Variants in GLI2 observed in about 807,000 individuals in gnomAD.
The protein encoded by GLI2 is GLI family zinc finger 2.
In GLI2, 22 loss-of-function variants were observed where a neutral mutation model predicts 78.9. That is an observed-to-expected ratio of 0.28 (90% CI 0.20 to 0.40). The LOEUF (loss-of-function observed/expected upper bound fraction) is 0.40, where lower values mean the gene tolerates loss of function less well. Ranked by LOEUF, GLI2 falls within the 10% of genes least tolerant of loss-of-function variation. GLI2 has a pLI of 1.00. For missense variants in GLI2, 2,097 were observed against 2,213.2 expected (o/e 0.95, Z 1.05); for synonymous variants, 974 against 963.7 (o/e 1.01, Z -0.20).
At chr2:120,933,876 GC>G (rs954681686) in intron 3 of GLI2, among the ~76,000 whole-genome samples, 1 of 144,686 alleles carries the variant, frequency 6.9e-6, no homozygotes, top group East Asian at 2.0e-4. Flanking sequence ...GCCCTGCCCT[GC>G]CCTGCCCTGC....
In GLI2 at chr2:120,871,401, A is replaced by G. The variant is rs1013085591; in HGVS notation, c.149-55960A>G. Among the ~76,000 whole-genome samples the G allele has an allele frequency of 5.9e-5, 9 of 152,356 alleles. No individual in the cohort carries two copies. The East Asian group carries it at 1.4e-3, about 23-fold the overall frequency. ...TGTTGAGAAACGGAGATGAGACTTC[A>G]GGGCTGGAAAACACAGCTGCCTGAA... On this transcript the variant is annotated intron_variant, in intron 2 of 13. Transcript: ENST00000361492.
In GLI2 at chr2:120,989,032, G is replaced by T. The variant is rs546947063; in HGVS notation, c.3067G>T (p.Val1023Leu). The T allele has an allele frequency of 1.2e-6, 2 of 1,604,938 alleles. No homozygotes were observed. Among genetic ancestry groups the T allele is most frequent in the South Asian group, 2.2e-5 (2 of 90,926 alleles). Reference sequence around the variant, plus strand: ...CAGCGAGAACGTGGCGATGGAGGCCGTGGCGGCAGGAGTGGACGGCGCGGG... The same window carrying T: ...CAGCGAGAACGTGGCGATGGAGGCCTTGGCGGCAGGAGTGGACGGCGCGGG... ...SISENVAMEA[V>L]AAGVDGAGPE... The change falls in exon 14 of 14, where the codon GTG (valine) becomes TTG (leucine). Residue 1023 changes from valine (V) to leucine (L), a missense_variant. By Grantham distance (32) the Val-to-Leu change is conservative. Around this residue, in one of 5 missense-constraint regions of GLI2, gnomAD observed 1,290 missense variants for 1,261.7 expected, o/e 1.02. Transcript: ENST00000361492.
At position 120,989,550 on chromosome 2, in the gene GLI2, C is replaced by T. The variant is rs538116580; in HGVS notation, c.3585C>T (p.Pro1195=). 5 of 1,612,866 alleles carry T rather than the reference C, an allele frequency of 3.1e-6. No individual in the cohort carries two copies. The highest frequency in any genetic ancestry group is 3.3e-5 in the Admixed American group (2 of 59,976). ...QPHLQPRSGA[P]SQGIPRVNYM... is the part of the protein sequence containing the mutation. Reference sequence around the variant, plus strand: ...ACCTGCAGCCCCGCAGCGGAGCCCCCTCCCAGGGCATCCCCAGGGTAAACT... The same window carrying T: ...ACCTGCAGCCCCGCAGCGGAGCCCCTTCCCAGGGCATCCCCAGGGTAAACT... The change falls in exon 14 of 14, where the codon CCC becomes CCT. Residue 1195 remains proline (P), a synonymous_variant. Transcript: ENST00000361492.
chr2:120,966,941 G>A (rs982044329), intron 5 of GLI2, among the ~76,000 whole-genome samples: 3 of 152,258 alleles, frequency 2.0e-5, no homozygotes, highest in Non-Finnish European at 4.4e-5. Context: ...CACCCGCCAA[G>A]AGGCTGTGTG....
chr2:120,912,162 T>C (rs1458027433), intron 2 of GLI2, among the ~76,000 whole-genome samples: 1 of 152,142 alleles, frequency 6.6e-6, no homozygotes, highest in Non-Finnish European at 1.5e-5. Context: ...CCGAAACACA[T>C]TGTATTTGGG....
rs747520338 is a variant in GLI2, at chr2:120,982,884, C to A, written c.1632+4C>A. On this transcript the variant is annotated splice_donor_region_variant and intron_variant, in intron 11 of 13. Transcript: ENST00000361492. ...GAATCGCACCCACTCCAACGAGGTA[C>A]CTCTGCGGGGCATGCACTGGGCATG... The A allele has an allele frequency of 3.7e-6, 6 of 1,613,468 alleles. No homozygotes were observed. The Admixed American group carries it at 5.0e-5, about 13-fold the overall frequency.
Position 120,975,044 on chromosome 2 carries a change from T to C in GLI2, c.1252T>C (p.Tyr418His). ...DCKQEAEVVI[Y>H]ETNCHWEDCT... ...TAAGCAGGAGGCTGAGGTGGTCATC[T>C]ATGAGACCAACTGCCACTGGGAAGA... The change falls in exon 9 of 14, where the codon TAT becomes CAT. Residue 418 changes from tyrosine to histidine, a missense_variant. Tyr to His is a moderately conservative substitution (Grantham distance 83). This residue lies in a region of GLI2 where 578 missense variants were observed against 612.0 expected (regional missense o/e 0.94). Coordinates refer to ENST00000361492, the MANE Select transcript of GLI2 (RefSeq NM_001374353.1). 6.2e-7 allele frequency: 1 copy of C among 1,614,106 alleles called. No individual in the cohort carries two copies.
intron 1 of GLI2, among the ~76,000 whole-genome samples, chr2:120,794,139 G>GGACATGATCT (rs1684277000): frequency 6.6e-6 from 1 of 152,220 alleles, no homozygotes; most frequent in Non-Finnish European, 1.5e-5. Context: ...GTGTTGAGTA[G>GGACATGATCT]GACATGATCT....
chr2:120,752,299 CTCTG>C (rs1039720856), intron 1 of GLI2, among the ~76,000 whole-genome samples: 6 of 138,042 alleles, frequency 4.3e-5, no homozygotes, highest in African/African-American at 1.1e-4. Context: ...GAGACGGAGT[CTCTG>C]TCTGTTGCCC....
chr2:120,853,426 GA>G (rs1342743090), intron 2 of GLI2, among the ~76,000 whole-genome samples: 2 of 152,198 alleles, frequency 1.3e-5, no homozygotes, highest in Non-Finnish European at 2.9e-5. Flanking sequence ...GTTCTGGGGA[GA>G]AGATTCTCCT....
At chr2:120,845,338 A>G (rs1687064868) in intron 2 of GLI2, among the ~76,000 whole-genome samples, 1 of 152,236 alleles carries the variant, frequency 6.6e-6, no homozygotes, top group African/African-American at 2.4e-5. Flanking sequence ...CTAGGGCTTC[A>G]TTAAGACGAT....
At chr2:120,986,984 A>G (rs1051064080) in intron 13 of GLI2, among the ~76,000 whole-genome samples, 2 of 152,208 alleles carry the variant, frequency 1.3e-5, no homozygotes, top group African/African-American at 4.8e-5. Flanking sequence ...CCAGTCCCAA[A>G]GGAGCGTATG....
chr2:120,868,273 T>G (rs1449530093), intron 2 of GLI2, among the ~76,000 whole-genome samples: 1 of 151,312 alleles, frequency 6.6e-6, no homozygotes, highest in Non-Finnish European at 1.5e-5. Flanking sequence ...CGGGGGACCA[T>G]GCTGTTTTCG....
chr2:120,771,270 G>A (rs1386663697), intron 1 of GLI2, among the ~76,000 whole-genome samples: 1 of 152,198 alleles, frequency 6.6e-6, no homozygotes, highest in Non-Finnish European at 1.5e-5. Flanking sequence ...TGTCCAGCAC[G>A]TGCCGCTTGG....
In GLI2 at chr2:120,984,790, G is replaced by A. The variant is rs200290221; in HGVS notation, c.1905+47G>A. 20 of 1,597,236 alleles carry A rather than the reference G, an allele frequency of 1.3e-5. No homozygotes were observed. The Middle Eastern group carries it at 6.1e-4, about 49-fold the overall frequency. ...AGCCACGCAAGGCGACTCCATAGCC[G>A]TGCCCAGGGCCACCCCTTGCCACGG... is the stretch of plus-strand genomic sequence containing the variant. On this transcript the variant is annotated intron_variant, in intron 12 of 13. Coordinates refer to ENST00000361492, the MANE Select transcript of GLI2 (RefSeq NM_001374353.1).
chr2:120,800,065 A>G lies in GLI2; in HGVS notation c.148+2597A>G, dbSNP rs1327154508. Reference sequence around the variant, plus strand: ...GTGAAGGAGGAAGTCTTCATGGGCCAGAAGCGTTTGCTGCAGCCACTGAGG... The same window carrying G: ...GTGAAGGAGGAAGTCTTCATGGGCCGGAAGCGTTTGCTGCAGCCACTGAGG... On this transcript the variant is annotated intron_variant, in intron 2 of 13. Transcript: ENST00000361492. This position sits in a 1 kb window ranked among gnomAD's most constrained non-coding sequence, Gnocchi z 4.1. 6.6e-6 allele frequency among the ~76,000 whole-genome samples: 1 copy of G among 152,184 alleles called. No homozygotes were observed. Among genetic ancestry groups the G allele is most frequent in the African/African-American group, 2.4e-5 (1 of 41,428 alleles).
chr2:120,745,929 G>A lies in GLI2; in HGVS notation c.-31+9644G>A, dbSNP rs12327918. Reference sequence around the variant, plus strand: ...GGCTCTTGCTGGCACTGGGGGCCCCGTGAGAAGGGAGGTGGGATGTGGGCT... The same window carrying A: ...GGCTCTTGCTGGCACTGGGGGCCCCATGAGAAGGGAGGTGGGATGTGGGCT... On this transcript the variant is annotated intron_variant, in intron 1 of 13. Coordinates refer to ENST00000361492, the MANE Select transcript of GLI2 (RefSeq NM_001374353.1). Among the ~76,000 whole-genome samples the A allele has an allele frequency of 2.9e-3, 443 of 152,334 alleles. 5 individuals are homozygous for A. The highest frequency in any genetic ancestry group is 0.01 in the African/African-American group (416 of 41,562).
At chr2:120,917,675 TG>T (rs1679168521) in intron 2 of GLI2, among the ~76,000 whole-genome samples, 1 of 152,256 alleles carries the variant, frequency 6.6e-6, no homozygotes, top group Non-Finnish European at 1.5e-5. Context: ...GGCTGGGACC[TG>T]GTCACATCCC....
chr2:120,877,387 A>T (rs1232931813), intron 2 of GLI2, among the ~76,000 whole-genome samples: 2 of 152,224 alleles, frequency 1.3e-5, no homozygotes, highest in African/African-American at 4.8e-5. Context: ...TACAACATAC[A>T]TAACCGTAAA....
Sources: gnomAD v4.1 joint callset for allele counts (sites outside exome capture counted in the v4.1 genomes callset) on GRCh38, gnomAD v4.1.1 for gene constraint, gnomAD v4.1.1 regional missense constraint, Gnocchi (gnomAD v3.1) non-coding constraint, MANE v1.5 for transcripts, NCBI Gene and HGNC (gene_info 2026-07-23, HGNC 2026-07-21) for gene names.